The following GRID2 variants were observed in gnomAD, a reference collection of about 807,000 sequenced individuals.
The protein encoded by GRID2 is glutamate ionotropic receptor delta type subunit 2.
A neutral mutation model predicts 114.8 loss-of-function variants in GRID2; 33 were observed. The ratio of observed to expected loss-of-function variants is 0.29; its 90% CI spans 0.22 to 0.38. The LOEUF (loss-of-function observed/expected upper bound fraction) is 0.38. GRID2 is among the 10% of genes least tolerant of loss of function. GRID2 has a pLI of 1.00. For synonymous variants in GRID2, 505 were observed against 449.9 expected (o/e 1.12, Z -1.55); for missense variants, 1,184 against 1,257.7 (o/e 0.94, Z 0.89).
At chr4:93,562,659 A>G (rs1296520929) in intron 13 of GRID2, among the ~76,000 whole-genome samples, 1 of 152,040 alleles carries the variant, frequency 6.6e-6, no homozygotes, top group Admixed American at 6.6e-5. Flanking sequence ...GGACTTTTAT[A>G]GTGTGTGTTT....
chr4:93,791,203 A>AAAAT (rs1412011427), intron 1 of GRID2, among the ~76,000 whole-genome samples: 1 of 152,232 alleles, frequency 6.6e-6, no homozygotes, highest in Non-Finnish European at 1.5e-5. Context: ...CCTGCAATAT[A>AAAAT]AAATAAAAAA....
chr4:93,221,392 G>A (rs1328674804), intron 6 of GRID2, among the ~76,000 whole-genome samples: 1 of 152,152 alleles, frequency 6.6e-6, no homozygotes, highest in African/African-American at 2.4e-5. Flanking sequence ...GGAGGTGAGT[G>A]TGGAGATTTG....
chr4:92,544,685 G>A (rs1189244120), intron 1 of GRID2, among the ~76,000 whole-genome samples: 1 of 151,974 alleles, frequency 6.6e-6, no homozygotes, highest in Non-Finnish European at 1.5e-5. Flanking sequence ...CCTGACCAAG[G>A]TCACATAACT....
chr4:93,222,007 C>T (rs773408184), intron 6 of GRID2, among the ~76,000 whole-genome samples: 1 of 152,158 alleles, frequency 6.6e-6, no homozygotes, highest in Non-Finnish European at 1.5e-5. Context: ...CGTGTCTCAA[C>T]GTCTGCCAAA....
intron 8 of GRID2, among the ~76,000 whole-genome samples, chr4:93,241,716 A>G (rs1747533705): frequency 6.6e-6 from 1 of 151,740 alleles, no homozygotes; most frequent in South Asian, 2.1e-4. Context: ...CTAGTACATC[A>G]CAAGAAGTTG....
At chr4:92,680,208 A>G (rs766321102) in intron 2 of GRID2, among the ~76,000 whole-genome samples, 1 of 152,112 alleles carries the variant, frequency 6.6e-6, no homozygotes, top group South Asian at 2.1e-4. Flanking sequence ...TTTTTTTACC[A>G]TGGTGGATGC....
intron 2 of GRID2, among the ~76,000 whole-genome samples, chr4:92,936,880 C>T (rs1466662191): frequency 6.8e-6 from 1 of 146,390 alleles, no homozygotes; most frequent in African/African-American, 2.4e-5. Context: ...ATTATAGCCC[C>T]CATAGTTGGT....
intron 14 of GRID2, among the ~76,000 whole-genome samples, chr4:93,659,732 G>A (rs1309487581): frequency 6.6e-6 from 1 of 152,076 alleles, no homozygotes; most frequent in African/African-American, 2.4e-5. Context: ...GTCATCAGTG[G>A]GAATTTCCAT....
intron 2 of GRID2, among the ~76,000 whole-genome samples, chr4:92,935,384 A>T (rs1750586041): frequency 6.8e-6 from 1 of 146,756 alleles, no homozygotes; most frequent in African/African-American, 2.4e-5. Context: ...GTCAGGAAAC[A>T]ACAGGTGCTG....
intron 14 of GRID2, among the ~76,000 whole-genome samples, chr4:93,682,612 T>C (rs1725675111): frequency 1.3e-5 from 2 of 152,148 alleles, no homozygotes; most frequent in Admixed American, 1.3e-4. Context: ...TAAAAAATGA[T>C]GAGTTCATGT....
chr4:92,925,000 C>G (rs1287131733), intron 2 of GRID2, among the ~76,000 whole-genome samples: 2 of 152,064 alleles, frequency 1.3e-5, no homozygotes, highest in Non-Finnish European at 2.9e-5. Flanking sequence ...CAAAGGTAAG[C>G]AGCCCTCTTT....
chr4:92,402,716 T>G (rs1579302782), intron 1 of GRID2, among the ~76,000 whole-genome samples: 1 of 152,262 alleles, frequency 6.6e-6, no homozygotes, highest in East Asian at 1.9e-4. Context: ...CAGAATAGAT[T>G]TAGCATAATT....
At chr4:93,537,164 T>A (rs1276766675) in intron 13 of GRID2, among the ~76,000 whole-genome samples, 1 of 151,822 alleles carries the variant, frequency 6.6e-6, no homozygotes, top group Non-Finnish European at 1.5e-5. Context: ...TTTATATAAC[T>A]CATCCTAACA....
At chr4:93,458,752 A>G (rs1723436140) in intron 11 of GRID2, among the ~76,000 whole-genome samples, 1 of 152,230 alleles carries the variant, frequency 6.6e-6, no homozygotes, top group Admixed American at 6.5e-5. Context: ...GATAATTGAC[A>G]TATGTAAAAA....
Position 92,434,956 on chromosome 4 carries a change from C to T in GRID2, c.88+130212C>T, listed in dbSNP as rs1460071934. Among the ~76,000 whole-genome samples, 5 of 152,134 alleles carry T rather than the reference C, an allele frequency of 3.3e-5. No homozygotes were observed. The East Asian group carries it at 9.6e-4, about 29-fold the overall frequency. ...TTGATCACATGGGAATGGAATTCAA[C>T]AATTCAAATGTTAGTATTCTTACTT... On this transcript the variant is annotated intron_variant, in intron 1 of 15. Coordinates refer to ENST00000282020, the MANE Select transcript of GRID2 (RefSeq NM_001510.4).
rs183841457 is a variant in GRID2 at position 92,412,916 on chromosome 4, T to G, written c.88+108172T>G. Among the ~76,000 whole-genome samples, 8 of 152,346 alleles carry G rather than the reference T, an allele frequency of 5.3e-5. No individual in the cohort carries two copies. In the East Asian group the frequency reaches 1.5e-3, roughly 29 times the overall value. Reference sequence around the variant, plus strand: ...ATCAGAGGTCATTGCTTCCAGAAATTTTCTACTGACAGTCCAAGGGAGCAT... The same window carrying G: ...ATCAGAGGTCATTGCTTCCAGAAATGTTCTACTGACAGTCCAAGGGAGCAT... On this transcript the variant is annotated intron_variant, in intron 1 of 15. Coordinates refer to ENST00000282020, the MANE Select transcript of GRID2 (RefSeq NM_001510.4).
chr4:92,883,024 A>C (rs1350990938), intron 2 of GRID2, among the ~76,000 whole-genome samples: 1 of 152,188 alleles, frequency 6.6e-6, no homozygotes, highest in East Asian at 1.9e-4. Flanking sequence ...TTCCTTTCAC[A>C]AAAGATTTCT....
At chr4:92,411,655 G>GTGTGTGTGTGTATA in intron 1 of GRID2, among the ~76,000 whole-genome samples, 3 of 84,724 alleles carry the variant, frequency 3.5e-5, no homozygotes, top group African/African-American at 1.8e-4. Context: ...GTGTGTGTGT[G>GTGTGTGTGTGTATA]TATATATATA....
intron 8 of GRID2, among the ~76,000 whole-genome samples, chr4:93,247,947 C>T (rs974213456): frequency 6.6e-6 from 1 of 152,046 alleles, no homozygotes; most frequent in African/African-American, 2.4e-5. Flanking sequence ...CTGTAGTCCA[C>T]ATGCTTAGGA....
Sources: allele counts gnomAD v4.1 joint callset (sites outside exome capture counted in the v4.1 genomes callset), GRCh38; gene constraint gnomAD v4.1.1; transcripts MANE v1.5; gene names NCBI Gene and HGNC (gene_info 2026-07-23, HGNC 2026-07-21).